Variants in SHROOM3 observed in about 807,000 individuals in gnomAD.
SHROOM3 encodes the protein shroom family member 3.
A neutral mutation model predicts 138.6 loss-of-function variants in SHROOM3; 47 were observed. The observed-to-expected ratio is 0.34, with a 90% CI of 0.27 to 0.43. SHROOM3 has a LOEUF of 0.43. Ranked by LOEUF, SHROOM3 falls within the 20% of genes least tolerant of loss-of-function variation. SHROOM3 has a pLI of 1.00. For missense variants in SHROOM3, 2,491 were observed against 2,596.5 expected, an observed-to-expected ratio of 0.96 and a Z score of 0.88; for synonymous variants, 1,062 against 1,063.3, an observed-to-expected ratio of 1.00 and a Z score of 0.02.
chr4:76,523,494 G>A (rs1309333671), intron 1 of SHROOM3, among the ~76,000 whole-genome samples: 1 of 152,154 alleles, frequency 6.6e-6, no homozygotes, highest in Non-Finnish European at 1.5e-5. Flanking sequence ...ATGGATTTTG[G>A]TGAAAGGTAG....
At chr4:76,753,875 C>G (rs548356670) in intron 6 of SHROOM3, among the ~76,000 whole-genome samples, 1 of 152,220 alleles carries the variant, frequency 6.6e-6, no homozygotes, top group Non-Finnish European at 1.5e-5. Flanking sequence ...AGACCTCCCC[C>G]GTGGGGATCG....
At position 76,741,818 on chromosome 4, in the gene SHROOM3, G is replaced by A; in HGVS notation, c.3645G>A (p.Arg1215=). The change falls in exon 5 of 11, where the codon AGG becomes AGA. Residue 1215 remains arginine (R), a synonymous_variant. Transcript: ENST00000296043. The surrounding 1 kb of genome is among the most constrained non-coding windows in gnomAD (Gnocchi z 6.2). ...TPREPSSWGA[R]AGKSMSAEDL... ...GGGAGCCATCCTCCTGGGGGGCCAGGGCCGGGAAGTCCATGTCGGCCGAGG... is the reference window on the plus strand; with the variant it reads ...GGGAGCCATCCTCCTGGGGGGCCAGAGCCGGGAAGTCCATGTCGGCCGAGG... 1 of 1,591,208 alleles carries A rather than the reference G, an allele frequency of 6.3e-7. No homozygotes were observed.
intron 6 of SHROOM3, among the ~76,000 whole-genome samples, chr4:76,751,194 A>C (rs912693906): frequency 6.6e-6 from 1 of 152,196 alleles, no homozygotes; most frequent in Non-Finnish European, 1.5e-5. Flanking sequence ...GTCTTTTATC[A>C]TAGTCACTCT....
In SHROOM3 at chr4:76,759,583, GC is replaced by G; in HGVS notation, c.5240del (p.Pro1747LeufsTer14). ...DKEAVSMLVNCPAYYSVSAPK... is the reference protein window; with the variant it reads ...DKEAVSMLVNXPAYYSVSAPK... ...GAAGCAGTGAGCATGTTGGTTAACT[GC>G]CCTGCCTACTACAGTGTGTCTGCTC... On this transcript the variant is annotated frameshift_variant, in exon 9 of 11. Transcript: ENST00000296043. LOFTEE classifies it high-confidence loss of function. 1 of 1,614,182 alleles carries G rather than the reference GC, an allele frequency of 6.2e-7. No individual in the cohort carries two copies. Among genetic ancestry groups the G allele is most frequent in the Non-Finnish European group, 8.5e-7 (1 of 1,180,020 alleles).
chr4:76,696,740 C>T (rs1719747091), intron 2 of SHROOM3, among the ~76,000 whole-genome samples: 1 of 152,168 alleles, frequency 6.6e-6, no homozygotes, highest in South Asian at 2.1e-4. Flanking sequence ...GATTCTGTTC[C>T]CAATACCATC....
intron 2 of SHROOM3, among the ~76,000 whole-genome samples, chr4:76,595,981 G>T (rs1734374662): frequency 6.6e-6 from 1 of 152,134 alleles, no homozygotes; most frequent in African/African-American, 2.4e-5. Context: ...CTCCATGGTT[G>T]TTTTCTGTGT....
At chr4:76,455,658 A>C (rs1397637939) in intron 1 of SHROOM3, among the ~76,000 whole-genome samples, 1 of 152,178 alleles carries the variant, frequency 6.6e-6, no homozygotes, top group African/African-American at 2.4e-5. Context: ...AAGAATATAT[A>C]GAAAAAGAGT....
At chr4:76,655,666 C>T (rs1000352207) in intron 2 of SHROOM3, among the ~76,000 whole-genome samples, 3 of 152,104 alleles carry the variant, frequency 2.0e-5, no homozygotes, top group Admixed American at 1.3e-4. Context: ...GATTAGCTGC[C>T]CAATTTACTT....
At chr4:76,669,844 CCTAA>C (rs1261124624) in intron 2 of SHROOM3, among the ~76,000 whole-genome samples, 3 of 152,274 alleles carry the variant, frequency 2.0e-5, no homozygotes, top group East Asian at 3.9e-4. Context: ...CAAAAACGGG[CCTAA>C]CTTTGTTAGA....
Position 76,741,892 on chromosome 4 carries a change from C to A in SHROOM3, c.3719C>A (p.Ser1240Tyr). Residue 1240 changes from serine to tyrosine, a missense_variant, in exon 5 of 11, where the codon TCC becomes TAC. Ser to Tyr is a moderately radical substitution (Grantham distance 144, BLOSUM62 -2). Transcript: ENST00000296043. This position sits in a 1 kb window ranked among gnomAD's most constrained non-coding sequence, Gnocchi z 6.2. ...CTTGCGGGCCCTGTCCATGTGAGGT[C>A]CAGGTCATCTCCCGCCACCGCAGAC... is the stretch of plus-strand genomic sequence containing the variant. ...DVLAGPVHVRSRSSPATADKR... is the reference protein window; with the variant it reads ...DVLAGPVHVRYRSSPATADKR... The A allele has an allele frequency of 6.2e-7, 1 of 1,612,362 alleles. No homozygotes were observed. The highest frequency in any genetic ancestry group is 8.5e-7 in the Non-Finnish European group (1 of 1,179,962).
chr4:76,534,527 A>C (rs1277478810), intron 1 of SHROOM3, among the ~76,000 whole-genome samples: 1 of 81,680 alleles, frequency 1.2e-5, no homozygotes, highest in East Asian at 1.6e-3. Flanking sequence ...TTGACCATTA[A>C]ACATACAAAA....
rs1459240769 is a variant in SHROOM3, at chr4:76,781,604, T to G, written c.*2427T>G. 6.6e-6 allele frequency: 1 copy of G among 152,246 alleles called. No homozygotes were observed. Among genetic ancestry groups the G allele is most frequent in the Non-Finnish European group, 1.5e-5 (1 of 68,046 alleles). The allele number at this position is 152,246 out of a possible 1,614,324, so 9.4% of individuals were successfully genotyped here. On this transcript the variant is annotated 3_prime_UTR_variant, in exon 11 of 11. Transcript: ENST00000296043. The stretch of plus-strand genomic sequence containing the variant: ...AAATGGGTAAGGCACCAAGTGAGAC[T>G]TTGAAATCTAATTTTTAGGTGGATG...
At chr4:76,674,547 T>C (rs1305901072) in intron 2 of SHROOM3, among the ~76,000 whole-genome samples, 3 of 146,436 alleles carry the variant, frequency 2.0e-5, no homozygotes, top group African/African-American at 7.5e-5. Flanking sequence ...CTTTCCTTCC[T>C]TCCTTCCTTT....
intron 2 of SHROOM3, among the ~76,000 whole-genome samples, chr4:76,616,138 G>T (rs546129883): frequency 6.6e-6 from 1 of 152,246 alleles, no homozygotes; most frequent in African/African-American, 2.4e-5. Flanking sequence ...ACAACACTTT[G>T]GTAGCAGATG....
At chr4:76,453,229 A>G (rs941680599) in intron 1 of SHROOM3, among the ~76,000 whole-genome samples, 1 of 152,026 alleles carries the variant, frequency 6.6e-6, no homozygotes, top group Non-Finnish European at 1.5e-5. Context: ...ATTTATACAC[A>G]TCCTTGCAAA....
Position 76,772,103 on chromosome 4 carries a change from CTTTTTTTTTTTTTTTT to C in SHROOM3, c.5622+1208_5622+1223del, listed in dbSNP as rs35590411. ...CTATGCTACCATCTTTTTTCTTTTTCTTTTTTTTTTTTTTTTTTGAGACAGAGTCTCACTCCGTCAC... is the reference window on the plus strand; with the variant it reads ...CTATGCTACCATCTTTTTTCTTTTTCTTGAGACAGAGTCTCACTCCGTCAC... On this transcript the variant is annotated intron_variant, in intron 10 of 10. Coordinates refer to ENST00000296043, the MANE Select transcript of SHROOM3 (RefSeq NM_020859.4). 3.2e-5 allele frequency among the ~76,000 whole-genome samples: 4 copies of C among 125,140 alleles called. No homozygotes were observed. The East Asian group carries it at 6.8e-4, about 21-fold the overall frequency. 82.1% of individuals were successfully genotyped at this position (125,140 alleles called of 152,430 possible).
intron 5 of SHROOM3, among the ~76,000 whole-genome samples, chr4:76,743,844 C>A (rs1721343794): frequency 6.6e-6 from 1 of 152,226 alleles, no homozygotes; most frequent in Non-Finnish European, 1.5e-5. Flanking sequence ...TATCCTACCA[C>A]TAACACACAT....
chr4:76,527,658 G>T (rs1175045979), intron 1 of SHROOM3, among the ~76,000 whole-genome samples: 1 of 152,206 alleles, frequency 6.6e-6, no homozygotes, highest in African/African-American at 2.4e-5. Flanking sequence ...GCAAAATTTA[G>T]AAGTAGTGGT....
intron 2 of SHROOM3, among the ~76,000 whole-genome samples, chr4:76,627,877 CA>C (rs1735192984): frequency 6.6e-6 from 1 of 152,112 alleles, no homozygotes; most frequent in Admixed American, 6.6e-5. Context: ...GAAGGTAATT[CA>C]AAAGATAGGG....
Sources: gnomAD v4.1 joint callset for allele counts (sites outside exome capture counted in the v4.1 genomes callset) on GRCh38, gnomAD v4.1.1 for gene constraint, Gnocchi (gnomAD v3.1) non-coding constraint, MANE v1.5 for transcripts, NCBI Gene and HGNC (gene_info 2026-07-23, HGNC 2026-07-21) for gene names.